The following ASL variants were observed in gnomAD, a reference collection of about 807,000 sequenced individuals.
The protein encoded by ASL is argininosuccinate lyase.
In ASL, 51 loss-of-function variants were observed where a neutral mutation model predicts 69.1. The ratio of observed to expected loss-of-function variants is 0.74; its 90% CI spans 0.59 to 0.93. ASL has a LOEUF of 0.93. ASL is among the 40% of genes least tolerant of loss of function. ASL has a pLI of 0.00. For missense variants in ASL, 540 were observed against 623.9 expected, an observed-to-expected ratio of 0.87 and a Z score of 1.43; for synonymous variants, 241 against 247.6, an observed-to-expected ratio of 0.97 and a Z score of 0.25.
chr7:66,086,142 C>T (rs1263974871), intron 6 of ASL, among the ~76,000 whole-genome samples: 1 of 152,134 alleles, frequency 6.6e-6, no homozygotes, highest in Non-Finnish European at 1.5e-5. Context: ...CTCACAGCAC[C>T]TCTGCCTCTG....
At chr7:66,085,879 A>T (rs1233315122) in intron 6 of ASL, among the ~76,000 whole-genome samples, 2 of 152,088 alleles carry the variant, frequency 1.3e-5, no homozygotes, top group African/African-American at 2.4e-5. Flanking sequence ...AAGTGCTGGG[A>T]TTACAGGCGT....
chr7:66,081,834 G>A lies in ASL; in HGVS notation c.44G>A (p.Gly15Asp). Residue 15 changes from glycine (G) to aspartate (D), a missense_variant, in exon 3 of 17, where the codon GGT (glycine) becomes GAT (aspartate). Coordinates refer to ENST00000304874, the MANE Select transcript of ASL (RefSeq NM_000048.4). ...AAGCTTTGGGGTGGCCGGTTTGTGG[G>A]TGCAGTGGACCCCATCATGGAGAAG... ...SGKLWGGRFV[G>D]AVDPIMEKFN... The A allele has an allele frequency of 2.5e-6, 4 of 1,613,946 alleles. No homozygotes were observed. Among genetic ancestry groups the A allele is most frequent in the Non-Finnish European group, 3.4e-6 (4 of 1,180,004 alleles).
In ASL at chr7:66,083,079, G is replaced by A. The variant is rs1178967079; in HGVS notation, c.351G>A (p.Val117=). The A allele has an allele frequency of 6.2e-7, 1 of 1,613,718 alleles. No individual in the cohort carries two copies. The highest frequency in any genetic ancestry group is 8.5e-7 in the Non-Finnish European group (1 of 1,180,014). ...AGCACCATCTCCTCCTTGCACAGGT[G>A]GTCACAGACCTCAGGCTGTGGATGC... ...LHTGRSRNDQ[V]VTDLRLWMRQ... is the part of the protein sequence containing the mutation. Residue 117 remains valine (V), a splice_region_variant and synonymous_variant, in exon 6 of 17, where the codon GTG becomes GTA. Transcript: ENST00000304874.
intron 6 of ASL, among the ~76,000 whole-genome samples, chr7:66,085,123 C>T (rs1363594588): frequency 6.6e-6 from 1 of 152,124 alleles, no homozygotes; most frequent in African/African-American, 2.4e-5. Flanking sequence ...GATGGTTGTA[C>T]AGTAAAGTGT....
chr7:66,077,756 C>T (rs749160524), intron 2 of ASL, among the ~76,000 whole-genome samples: 1 of 152,002 alleles, frequency 6.6e-6, no homozygotes, highest in African/African-American at 2.4e-5. Context: ...CCACAAGTCC[C>T]AAAACCAAAA....
At chr7:66,084,326 A>G (rs1468621475) in intron 6 of ASL, among the ~76,000 whole-genome samples, 7 of 150,952 alleles carry the variant, frequency 4.6e-5, no homozygotes, top group South Asian at 4.2e-4. Context: ...TGTCCAGCTA[A>G]TTTTTGTATT....
chr7:66,084,692 T>C (rs1786608473), intron 6 of ASL, among the ~76,000 whole-genome samples: 1 of 152,006 alleles, frequency 6.6e-6, no homozygotes, highest in Non-Finnish European at 1.5e-5. Flanking sequence ...TGATCTCCAC[T>C]CACTGCAACC....
At chr7:66,089,497 T>C (rs1359179242) in intron 13 of ASL, 115 bp from the exon 14 acceptor site, 5 of 1,430,616 alleles carry the variant, frequency 3.5e-6, no homozygotes, top group Admixed American at 3.8e-5. Flanking sequence ...TGTTGGGGTA[T>C]TGAGTGTTCT....
At position 66,087,019 on chromosome 7, in the gene ASL, A is replaced by G. The variant is rs77446870; in HGVS notation, c.602+198A>G. ...TGTCTGAGCAGGGCCAGAGCCCTCC[A>G]GCAAGGCTCCTGGCAAGCCCAGCCT... On this transcript the variant is annotated intron_variant, in intron 8 of 16. Coordinates refer to ENST00000304874, the MANE Select transcript of ASL (RefSeq NM_000048.4). 4.1e-6 allele frequency: 3 copies of G among 731,324 alleles called. No individual in the cohort carries two copies. In the East Asian group the frequency reaches 8.1e-5, roughly 20 times the overall value. The allele number at this position is 731,324 out of a possible 1,614,324, so 45.3% of individuals were successfully genotyped here. A position where few individuals can be genotyped will look rare whatever the true frequency, so the allele number is the denominator to read the frequency against.
In ASL at chr7:66,079,207, A is replaced by G. The variant is rs955626186; in HGVS notation, c.13-2596A>G. Among the ~76,000 whole-genome samples the G allele has an allele frequency of 3.9e-5, 6 of 152,162 alleles. No individual in the cohort carries two copies. In the East Asian group the frequency reaches 1.2e-3, roughly 29 times the overall value. On this transcript the variant is annotated intron_variant, in intron 2 of 16. Coordinates refer to ENST00000304874, the MANE Select transcript of ASL (RefSeq NM_000048.4). ...GCTAGGATTATAGGTGTGAGCCACC[A>G]CGCCCAGCCCCTGAGGTTTAATAAT...
At chr7:66,083,470 AG>A (rs1403004103) in intron 6 of ASL, 1 of 347,166 alleles carries the variant, frequency 2.9e-6, no homozygotes, top group Non-Finnish European at 5.7e-6. Flanking sequence ...GGATCACCTG[AG>A]GTCAGGAGTT....
At position 66,083,175 on chromosome 7, in the gene ASL, G is replaced by A. The variant is rs142637046; in HGVS notation, c.446+1G>A. 147 of 1,612,142 alleles carry A rather than the reference G, an allele frequency of 9.1e-5. No individual in the cohort carries two copies. Among genetic ancestry groups the A allele is most frequent in the Middle Eastern group, 1.9e-4 (1 of 5,356 alleles). ...GGACCATGGTGGATCGGGCAGAGGC[G>A]TGAGTCCTACAGGGACACCCAGGGG... On this transcript the variant is annotated splice_donor_variant, in intron 6 of 16. Coordinates refer to ENST00000304874, the MANE Select transcript of ASL (RefSeq NM_000048.4). LOFTEE classifies it high-confidence loss of function.
Position 66,092,663 on chromosome 7 carries a change from G to T in ASL, c.1250G>T (p.Ser417Ile), listed in dbSNP as rs1303920407. The change falls in exon 16 of 17, where the codon AGC becomes ATC. Residue 417 changes from serine to isoleucine, a missense_variant and splice_region_variant. By Grantham distance (142) the Ser-to-Ile change is moderately radical (BLOSUM62 -2). Transcript: ENST00000304874. ...TCACTGCAGGAGCTGCAGACCATCA[G>T]GTACGGCCCATCCCCTTCCCCATGC... ...QLSLQELQTI[S>I]PLFSGDVICV... is the part of the protein sequence containing the mutation. 2 of 1,613,744 alleles carry T rather than the reference G, an allele frequency of 1.2e-6. No individual in the cohort carries two copies. The highest frequency in any genetic ancestry group is 1.7e-6 in the Non-Finnish European group (2 of 1,179,988).
At chr7:66,076,147 G>T in intron 2 of ASL, 54 bp downstream of exon 2, 2 of 1,569,850 alleles carry the variant, frequency 1.3e-6, no homozygotes, top group South Asian at 1.2e-5. Flanking sequence ...GAGAGAGTGG[G>T]GGCGCCAGAC....
chr7:66,078,058 TGCCCCAG>T (rs1007915911), intron 2 of ASL, among the ~76,000 whole-genome samples: 2 of 152,254 alleles, frequency 1.3e-5, no homozygotes, highest in African/African-American at 4.8e-5. Context: ...GACCTCAGGT[TGCCCCAG>T]GCCTTCCTGT....
chr7:66,077,103 T>C (rs1392016517), intron 2 of ASL, among the ~76,000 whole-genome samples: 1 of 152,130 alleles, frequency 6.6e-6, no homozygotes, highest in African/African-American at 2.4e-5. Context: ...TAATAACATA[T>C]GTGAAATCCC....
chr7:66,091,026 A>C (rs1191816511), intron 14 of ASL, among the ~76,000 whole-genome samples: 1 of 146,556 alleles, frequency 6.8e-6, no homozygotes, highest in Non-Finnish European at 1.5e-5. Flanking sequence ...TGAACCCGGG[A>C]GATGGAGACT....
At position 66,093,382 on chromosome 7, in the gene ASL, T is replaced by C; in HGVS notation, c.*470T>C. The stretch of plus-strand genomic sequence containing the variant: ...AACTGGGCAAGGGCAATGAGAGTCG[T>C]AGACGGGAAGGGAAGAGGGGGCTCC... On this transcript the variant is annotated 3_prime_UTR_variant, in exon 17 of 17. Transcript: ENST00000304874. The C allele has an allele frequency of 7.3e-6, 2 of 274,956 alleles. No homozygotes were observed. The highest frequency in any genetic ancestry group is 1.3e-3 in the Middle Eastern group (1 of 748). 17.0% of individuals were successfully genotyped at this position (274,956 alleles called of 1,614,324 possible).
intron 3 of ASL, among the ~76,000 whole-genome samples, 158 bp downstream of exon 3, chr7:66,082,155 C>T (rs940505830): frequency 2.6e-5 from 4 of 152,154 alleles, no homozygotes; most frequent in Non-Finnish European, 5.9e-5. Flanking sequence ...TTGATGACTG[C>T]CTCTCTCCAT....
Sources: gnomAD v4.1 joint callset for allele counts (sites outside exome capture counted in the v4.1 genomes callset) on GRCh38, gnomAD v4.1.1 for gene constraint, MANE v1.5 for transcripts, NCBI Gene and HGNC (gene_info 2026-07-23, HGNC 2026-07-21) for gene names.